The following MAP3K5 variants were observed in gnomAD, a reference collection of about 807,000 sequenced individuals.
MAP3K5 encodes ASK-1.
MAP3K5 carries 56 observed loss-of-function variants against 158.7 expected under a neutral mutation model. The observed-to-expected ratio is 0.35, with a 90% CI of 0.28 to 0.44. MAP3K5 has a LOEUF of 0.44. Ranked by LOEUF, MAP3K5 falls within the 20% of genes least tolerant of loss-of-function variation. The pLI, the probability that MAP3K5 is intolerant of heterozygous loss-of-function variation, is 1.00. For synonymous variants in MAP3K5, 579 were observed against 601.7 expected, an observed-to-expected ratio of 0.96 and a Z score of 0.55; for missense variants, 1,294 against 1,674.8, an observed-to-expected ratio of 0.77 and a Z score of 3.97.
At chr6:136,611,107 C>CAAAAAAA (rs59508317) in intron 18 of MAP3K5, among the ~76,000 whole-genome samples, 175 bp downstream of exon 18, 25 of 24,452 alleles carry the variant, frequency 1.0e-3, no homozygotes, top group Admixed American at 1.9e-3. Flanking sequence ...GACCCTGTCT[C>CAAAAAAA]AAAAAAAAAA....
intron 1 of MAP3K5, among the ~76,000 whole-genome samples, chr6:136,754,141 C>T (rs79656810): frequency 0.02 from 3,019 of 151,984 alleles, 41 homozygotes; most frequent in Non-Finnish European, 0.033. Context: ...GGCCTGGTGG[C>T]GGGCGCCTGT....
chr6:136,734,038 T>C (rs1023707218), intron 1 of MAP3K5, among the ~76,000 whole-genome samples: 1 of 152,108 alleles, frequency 6.6e-6, no homozygotes, highest in African/African-American at 2.4e-5. Context: ...AACAGGTCAA[T>C]GACCTATAAA....
At chr6:136,701,086 G>T (rs1380780038) in intron 3 of MAP3K5, among the ~76,000 whole-genome samples, 2 of 152,142 alleles carry the variant, frequency 1.3e-5, no homozygotes, top group African/African-American at 4.8e-5. Context: ...GAGGAGACAG[G>T]TAAGGCTTAG....
chr6:136,621,948 TG>T (rs1011632264), intron 15 of MAP3K5, among the ~76,000 whole-genome samples: 3 of 151,952 alleles, frequency 2.0e-5, no homozygotes, highest in African/African-American at 7.3e-5. Flanking sequence ...TAGCCAGGCG[TG>T]GTGGCAGGCA....
chr6:136,769,121 G>A (rs940938718), intron 1 of MAP3K5, among the ~76,000 whole-genome samples: 1 of 152,162 alleles, frequency 6.6e-6, no homozygotes, highest in African/African-American at 2.4e-5. Flanking sequence ...GCTGATGAAT[G>A]GATAAACAAA....
intron 7 of MAP3K5, among the ~76,000 whole-genome samples, chr6:136,690,593 A>G (rs1370832993): frequency 6.6e-6 from 1 of 152,156 alleles, no homozygotes; most frequent in East Asian, 1.9e-4. Context: ...AGTTTCAAAA[A>G]TATGTTTATT....
At chr6:136,745,346 T>C (rs950140641) in intron 1 of MAP3K5, among the ~76,000 whole-genome samples, 1 of 152,118 alleles carries the variant, frequency 6.6e-6, no homozygotes, top group Non-Finnish European at 1.5e-5. Flanking sequence ...TTTCTCTCCA[T>C]GTTCAACTCT....
At chr6:136,773,252 T>G (rs1180449235) in intron 1 of MAP3K5, among the ~76,000 whole-genome samples, 1 of 152,162 alleles carries the variant, frequency 6.6e-6, no homozygotes, top group African/African-American at 2.4e-5. Flanking sequence ...CCACGTGCCT[T>G]ACCTTGGGAG....
intron 9 of MAP3K5, among the ~76,000 whole-genome samples, chr6:136,657,978 A>G (rs1778823233): frequency 6.6e-6 from 1 of 152,196 alleles, no homozygotes; most frequent in Non-Finnish European, 1.5e-5. Flanking sequence ...AACTATATTG[A>G]TTTAAGGATT....
intron 24 of MAP3K5, 40 bp from the exon 25 acceptor site, chr6:136,580,446 T>C (rs1327998120): frequency 7.8e-7 from 1 of 1,276,586 alleles, no homozygotes; most frequent in South Asian, 1.2e-5. Flanking sequence ...TAATTTTTAA[T>C]TGCAAATAGC....
intron 8 of MAP3K5, among the ~76,000 whole-genome samples, chr6:136,667,980 T>A (rs775554897): frequency 2.4e-4 from 36 of 152,242 alleles, no homozygotes; most frequent in Non-Finnish European, 5.1e-4. Context: ...TGACTTTATT[T>A]AGCTTCAGAG....
At chr6:136,722,568 T>C (rs1781787100) in intron 1 of MAP3K5, among the ~76,000 whole-genome samples, 1 of 152,012 alleles carries the variant, frequency 6.6e-6, no homozygotes, top group Admixed American at 6.6e-5. Flanking sequence ...AAAATGCCAA[T>C]TGTTTTGCCT....
chr6:136,655,880 G>A (rs1778722873), intron 10 of MAP3K5, among the ~76,000 whole-genome samples: 1 of 152,146 alleles, frequency 6.6e-6, no homozygotes, highest in Non-Finnish European at 1.5e-5. Flanking sequence ...TGACCCACCT[G>A]GGTAATGGGT....
intron 8 of MAP3K5, among the ~76,000 whole-genome samples, chr6:136,661,423 T>C (rs1262917961): frequency 6.6e-6 from 1 of 152,160 alleles, no homozygotes; most frequent in East Asian, 1.9e-4. Flanking sequence ...TGAGACAAGG[T>C]CTCACTCTGT....
chr6:136,792,267 C>T lies in MAP3K5; in HGVS notation c.-110G>A. 1 of 1,180,888 alleles carries T rather than the reference C, an allele frequency of 8.5e-7. No individual in the cohort carries two copies. Among genetic ancestry groups the T allele is most frequent in the Non-Finnish European group, 1.0e-6 (1 of 959,408 alleles). The allele number at this position is 1,180,888 out of a possible 1,614,324, so 73.2% of individuals were successfully genotyped here. A position where few individuals can be genotyped will look rare whatever the true frequency, so the allele number is the denominator to read the frequency against. ...CCGCCGGGCTAAGCAGCTGCCATCG[C>T]GCGCCGCGCCCTCGCCGCCGCGCCG... On this transcript the variant is annotated 5_prime_UTR_variant, in exon 1 of 30. Coordinates refer to ENST00000359015, the MANE Select transcript of MAP3K5 (RefSeq NM_005923.4). The surrounding 1 kb of genome is among the most constrained non-coding windows in gnomAD (Gnocchi z 5.7).
At position 136,791,727 on chromosome 6, in the gene MAP3K5, T is replaced by C; in HGVS notation, c.431A>G (p.Asp144Gly). The change falls in exon 1 of 30, where the codon GAC (aspartate) becomes GGC (glycine). Residue 144 changes from aspartate (D) to glycine (G), a missense_variant. Asp to Gly is a moderately conservative substitution (Grantham distance 94). Coordinates refer to ENST00000359015, the MANE Select transcript of MAP3K5 (RefSeq NM_005923.4). ...KLDFGETTVLDRFYNADIAVV... is the reference protein window; with the variant it reads ...KLDFGETTVLGRFYNADIAVV... ...ACACGCACCTGCATTGTAAAAGCGGTCCAGCACGGTGGTTTCTCCAAAGTC... is the reference window on the plus strand; with the variant it reads ...ACACGCACCTGCATTGTAAAAGCGGCCCAGCACGGTGGTTTCTCCAAAGTC... The C allele has an allele frequency of 1.9e-6, 3 of 1,613,216 alleles. No homozygotes were observed. Among genetic ancestry groups the C allele is most frequent in the Non-Finnish European group, 1.7e-6 (2 of 1,180,012 alleles).
intron 1 of MAP3K5, among the ~76,000 whole-genome samples, chr6:136,771,465 T>A (rs919207548): frequency 6.6e-6 from 1 of 152,108 alleles, no homozygotes; most frequent in African/African-American, 2.4e-5. Flanking sequence ...ACTGTTGCCA[T>A]AGCAATACCA....
At chr6:136,720,665 T>C (rs1312150399) in intron 1 of MAP3K5, 76 bp from the exon 2 acceptor site, 3 of 1,083,772 alleles carry the variant, frequency 2.8e-6, no homozygotes, top group African/African-American at 1.6e-5. Context: ...GTTTGAATTA[T>C]CTTAGTATTC....
chr6:136,557,640 C>T lies in MAP3K5; in HGVS notation c.*118G>A. The T allele has an allele frequency of 3.8e-6, 2 of 523,028 alleles. 1 individual carries two copies. The highest frequency in any genetic ancestry group is 6.8e-6 in the Non-Finnish European group (2 of 295,678). 32.4% of individuals were successfully genotyped at this position (523,028 alleles called of 1,614,324 possible). A position where few individuals can be genotyped will look rare whatever the true frequency, so the allele number is the denominator to read the frequency against. On this transcript the variant is annotated 3_prime_UTR_variant, in exon 30 of 30. Coordinates refer to ENST00000359015, the MANE Select transcript of MAP3K5 (RefSeq NM_005923.4). ...TTTTTTTTTTTTTAACATGAGTAAACAAATACTGGATTTAAAGTGCAGCGC... is the reference window on the plus strand; with the variant it reads ...TTTTTTTTTTTTTAACATGAGTAAATAAATACTGGATTTAAAGTGCAGCGC...
Sources: gnomAD v4.1 joint callset for allele counts (sites outside exome capture counted in the v4.1 genomes callset) on GRCh38, gnomAD v4.1.1 for gene constraint, Gnocchi (gnomAD v3.1) non-coding constraint, MANE v1.5 for transcripts, NCBI Gene and HGNC (gene_info 2026-07-23, HGNC 2026-07-21) for gene names.